CCDC50: variants seen among roughly 807,000 people sequenced by gnomAD.
CCDC50 encodes the protein coiled-coil domain containing 50, also known as coiled-coil domain-containing protein 50.
CCDC50 carries 54 observed loss-of-function variants against 70.2 expected under a neutral mutation model. That is an observed-to-expected ratio of 0.77 (90% CI 0.62 to 0.96). CCDC50 has a LOEUF of 0.96. Ranked by LOEUF, CCDC50 falls within the 50% of genes least tolerant of loss-of-function variation. The probability of loss-of-function intolerance (pLI) is 0.00; values close to 1 mark genes in which losing one functional copy is unlikely to be tolerated. For synonymous variants in CCDC50, 216 were observed against 198.8 expected, an observed-to-expected ratio of 1.09 and a Z score of -0.73; for missense variants, 558 against 578.7, an observed-to-expected ratio of 0.96 and a Z score of 0.37.
intron 1 of CCDC50, among the ~76,000 whole-genome samples, chr3:191,331,781 C>T (rs1455865321): frequency 6.6e-6 from 1 of 152,184 alleles, no homozygotes; most frequent in Non-Finnish European, 1.5e-5. Context: ...GGCCCAGTTA[C>T]TCCCTAACAG....
At position 191,380,884 on chromosome 3, in the gene CCDC50, G is replaced by C; in HGVS notation, c.1194G>C (p.Glu398Asp). ...EEKKAYKKAK[E>D]REKSSLDKRK... Reference sequence around the variant, plus strand: ...AGAAAGCTTACAAAAAAGCCAAGGAGCGGGAGAAATCATCTTTGGACAAAA... The same window carrying C: ...AGAAAGCTTACAAAAAAGCCAAGGACCGGGAGAAATCATCTTTGGACAAAA... Residue 398 changes from glutamate to aspartate, a missense_variant, in exon 9 of 12, where the codon GAG (glutamate) becomes GAC (aspartate). Physicochemically the swap from Glu to Asp is conservative, Grantham distance 45. Coordinates refer to ENST00000392455, the MANE Select transcript of CCDC50 (RefSeq NM_178335.3). 6.2e-7 allele frequency: 1 copy of C among 1,612,974 alleles called. No homozygotes were observed. The highest frequency in any genetic ancestry group is 8.5e-7 in the Non-Finnish European group (1 of 1,179,272).
intron 5 of CCDC50, among the ~76,000 whole-genome samples, chr3:191,371,257 G>A (rs1271614397): frequency 2.6e-5 from 4 of 152,094 alleles, no homozygotes; most frequent in Admixed American, 1.3e-4. Flanking sequence ...GGGTGGTGAT[G>A]GTGATGGTGA....
intron 6 of CCDC50, among the ~76,000 whole-genome samples, chr3:191,376,169 A>G (rs1325583670): frequency 6.6e-6 from 1 of 152,138 alleles, no homozygotes; most frequent in Non-Finnish European, 1.5e-5. Context: ...TTTCACATGT[A>G]TTATCATCTC....
Position 191,375,313 on chromosome 3 carries a change from C to T in CCDC50, c.700C>T (p.Arg234Trp), listed in dbSNP as rs368899630. 13 of 1,613,676 alleles carry T rather than the reference C, an allele frequency of 8.1e-6. No homozygotes were observed. The highest frequency in any genetic ancestry group is 5.5e-5 in the South Asian group (5 of 91,054). Residue 234 changes from arginine to tryptophan, a missense_variant, in exon 6 of 12, where the codon CGG becomes TGG. Physicochemically the swap from Arg to Trp is moderately radical, Grantham distance 101 (BLOSUM62 -3). Coordinates refer to ENST00000392455, the MANE Select transcript of CCDC50 (RefSeq NM_178335.3). Reference protein sequence around the residue: ...ERKRSTQERPRRPLLPTISGE... With the variant: ...ERKRSTQERPWRPLLPTISGE... ...GAAACGGTCCACTCAGGAGAGGCCT[C>T]GGAGACCTCTGCTTCCCACGATCAG...
intron 4 of CCDC50, among the ~76,000 whole-genome samples, chr3:191,362,152 G>A (rs929322159): frequency 1.3e-5 from 2 of 152,036 alleles, no homozygotes; most frequent in African/African-American, 4.8e-5. Context: ...TTTTTTGACA[G>A]TGTTTTGCTC....
At chr3:191,380,403 A>G in intron 7 of CCDC50, 129 bp downstream of exon 7, 2 of 741,332 alleles carry the variant, frequency 2.7e-6, no homozygotes, top group Non-Finnish European at 4.8e-6. Context: ...TGGAAAAATC[A>G]TGACAATAGG....
At chr3:191,386,972 A>T (rs436428) in intron 10 of CCDC50, among the ~76,000 whole-genome samples, 64,196 of 151,982 alleles carry the variant, frequency 0.42, 15,238 homozygotes, top group Non-Finnish European at 0.53. Flanking sequence ...GCATTTTTTC[A>T]TAGGAAAATT....
chr3:191,335,960 T>G (rs1711514637), intron 1 of CCDC50, among the ~76,000 whole-genome samples: 1 of 149,940 alleles, frequency 6.7e-6, no homozygotes, highest in African/African-American at 2.4e-5. Context: ...TGATTTGTTT[T>G]CTGCCCTTGT....
intron 10 of CCDC50, among the ~76,000 whole-genome samples, chr3:191,385,767 A>G (rs910455788): frequency 6.6e-6 from 1 of 151,900 alleles, no homozygotes; most frequent in Admixed American, 6.6e-5. Flanking sequence ...TTTCTTCTAA[A>G]ATTTTTATAG....
At position 191,392,509 on chromosome 3, in the gene CCDC50, T is replaced by G. The variant is rs1332147390; in HGVS notation, c.*749T>G. ...AAACTTTGTATTCCATCTCTTCTTT[T>G]TCATTTACTTGTAGAGCCAAGGAAA... On this transcript the variant is annotated 3_prime_UTR_variant, in exon 12 of 12. Coordinates refer to ENST00000392455, the MANE Select transcript of CCDC50 (RefSeq NM_178335.3). 1 of 152,244 alleles carries G rather than the reference T, an allele frequency of 6.6e-6. No individual in the cohort carries two copies. Among genetic ancestry groups the G allele is most frequent in the Non-Finnish European group, 1.5e-5 (1 of 68,044 alleles). The allele number at this position is 152,244 out of a possible 1,614,324, so 9.4% of individuals were successfully genotyped here.
At chr3:191,389,822 G>A (rs1434200895) in intron 11 of CCDC50, among the ~76,000 whole-genome samples, 1 of 149,994 alleles carries the variant, frequency 6.7e-6, no homozygotes, top group Non-Finnish European at 1.5e-5. Context: ...CATTTTCCTC[G>A]AGAGGGAGCA....
intron 5 of CCDC50, among the ~76,000 whole-genome samples, chr3:191,371,885 C>A (rs1030715469): frequency 6.6e-6 from 1 of 152,158 alleles, no homozygotes; most frequent in Non-Finnish European, 1.5e-5. Flanking sequence ...TTACTCTTCA[C>A]CTTCAATTTA....
chr3:191,397,626 A>G lies in CCDC50; in HGVS notation c.*5866A>G, dbSNP rs1382418554. ...GCTCATATAAATCAAGTTGCCCAGG[A>G]AACCTGAGGTGATGCTATCATTTGT... On this transcript the variant is annotated 3_prime_UTR_variant, in exon 12 of 12. Coordinates refer to ENST00000392455, the MANE Select transcript of CCDC50 (RefSeq NM_178335.3). 1.3e-5 allele frequency: 2 copies of G among 152,240 alleles called. No individual in the cohort carries two copies. The highest frequency in any genetic ancestry group is 2.9e-5 in the Non-Finnish European group (2 of 68,042). The allele number at this position is 152,240 out of a possible 1,614,324, so 9.4% of individuals were successfully genotyped here.
Position 191,349,730 on chromosome 3 carries a change from A to G in CCDC50, c.50-7358A>G. The stretch of plus-strand genomic sequence containing the variant: ...TTGAAACCCTTAAATTTATACAATT[A>G]AGAAACTTTTTATTCCTGTTTTTTC... On this transcript the variant is annotated intron_variant, in intron 1 of 11. Coordinates refer to ENST00000392455, the MANE Select transcript of CCDC50 (RefSeq NM_178335.3). Among the ~76,000 whole-genome samples the G allele has an allele frequency of 1.4e-5, 2 of 141,696 alleles. 1 individual carries two copies. The highest frequency in any genetic ancestry group is 3.2e-5 in the Non-Finnish European group (2 of 62,832). The allele number at this position is 141,696 out of a possible 152,430, so 93.0% of individuals were successfully genotyped here.
At chr3:191,350,165 A>G (rs1210707300) in intron 1 of CCDC50, among the ~76,000 whole-genome samples, 2 of 141,524 alleles carry the variant, frequency 1.4e-5, no homozygotes, top group African/African-American at 2.5e-5. Flanking sequence ...GTTAGGAGGA[A>G]TAAATGTGAA....
intron 4 of CCDC50, among the ~76,000 whole-genome samples, chr3:191,364,363 G>T (rs552674624): frequency 4.0e-5 from 6 of 150,324 alleles, no homozygotes; most frequent in Non-Finnish European, 3.0e-5. Context: ...CACCGCGCCC[G>T]GCCTCCTTTT....
At chr3:191,335,116 AG>A (rs1718098617) in intron 1 of CCDC50, among the ~76,000 whole-genome samples, 1 of 152,208 alleles carries the variant, frequency 6.6e-6, no homozygotes, top group African/African-American at 2.4e-5. Flanking sequence ...GGGACTTAAC[AG>A]TTTTTGTTGA....
At chr3:191,338,270 T>C (rs1409652786) in intron 1 of CCDC50, among the ~76,000 whole-genome samples, 1 of 152,238 alleles carries the variant, frequency 6.6e-6, no homozygotes, top group Non-Finnish European at 1.5e-5. Flanking sequence ...CCAAATACTT[T>C]GAAAATATTA....
chr3:191,390,237 C>T (rs1713642909), intron 11 of CCDC50, among the ~76,000 whole-genome samples: 1 of 151,990 alleles, frequency 6.6e-6, no homozygotes, highest in Non-Finnish European at 1.5e-5. Flanking sequence ...TTCCTATCTG[C>T]CCATGACTCT....
Sources: gnomAD v4.1 joint callset for allele counts (sites outside exome capture counted in the v4.1 genomes callset) on GRCh38, gnomAD v4.1.1 for gene constraint, MANE v1.5 for transcripts, NCBI Gene and HGNC (gene_info 2026-07-23, HGNC 2026-07-21) for gene names.